Variants in NAALADL2 observed in about 807,000 individuals in gnomAD.
NAALADL2 encodes N-acetylated alpha-linked acidic dipeptidase like 2, also known as inactive N-acetylated-alpha-linked acidic dipeptidase-like protein 2.
Under a neutral mutation model 87.2 loss-of-function variants are expected in NAALADL2, and 76 were observed. The observed-to-expected ratio is 0.87, with a 90% CI of 0.72 to 1.05. The LOEUF is 1.05. Ranked by LOEUF, NAALADL2 falls within the 50% of genes least tolerant of loss-of-function variation. The pLI, the probability that NAALADL2 is intolerant of heterozygous loss-of-function variation, is 0.00. For synonymous variants in NAALADL2, 354 were observed against 331.0 expected, an observed-to-expected ratio of 1.07 and a Z score of -0.75; for missense variants, 1,089 against 945.8, an observed-to-expected ratio of 1.15 and a Z score of -1.99.
chr3:175,255,287 C>T (rs1185494350), intron 3 of NAALADL2, among the ~76,000 whole-genome samples: 1 of 152,126 alleles, frequency 6.6e-6, no homozygotes, highest in African/African-American at 2.4e-5. Context: ...ATTTACAGAT[C>T]TCTTGGAGGT....
chr3:174,844,390 A>G (rs936068131), intron 3 of NAALADL2, among the ~76,000 whole-genome samples: 7 of 152,268 alleles, frequency 4.6e-5, no homozygotes, highest in African/African-American at 1.7e-4. Flanking sequence ...TTAGGTTACT[A>G]TAGCCTTGTG....
At chr3:174,891,333 T>C (rs1730848306) in intron 1 of NAALADL2, among the ~76,000 whole-genome samples, 1 of 151,996 alleles carries the variant, frequency 6.6e-6, no homozygotes, top group African/African-American at 2.4e-5. Flanking sequence ...AGAAACACCT[T>C]ATACGAACCC....
chr3:175,704,919 G>T (rs1739475215), intron 11 of NAALADL2, among the ~76,000 whole-genome samples: 1 of 152,158 alleles, frequency 6.6e-6, no homozygotes. Flanking sequence ...CATTACTGTG[G>T]TAACAAAGAA....
At chr3:175,164,834 T>G (rs2108866950) in intron 2 of NAALADL2, among the ~76,000 whole-genome samples, 1 of 152,272 alleles carries the variant, frequency 6.6e-6, no homozygotes, top group African/African-American at 2.4e-5. Context: ...GTATTCTGAG[T>G]CTCTGCACCA....
chr3:174,927,964 C>A (rs1318341800), intron 1 of NAALADL2, among the ~76,000 whole-genome samples: 1 of 151,982 alleles, frequency 6.6e-6, no homozygotes, highest in Non-Finnish European at 1.5e-5. Flanking sequence ...AGTGAGCACA[C>A]AGGTAGAAAT....
intron 6 of NAALADL2, among the ~76,000 whole-genome samples, chr3:175,448,711 A>G (rs1027065284): frequency 6.6e-6 from 1 of 152,086 alleles, no homozygotes; most frequent in African/African-American, 2.4e-5. Context: ...GTTATATGTT[A>G]TGTTATATAT....
chr3:175,640,465 A>G (rs1729133213), intron 11 of NAALADL2, among the ~76,000 whole-genome samples: 1 of 152,162 alleles, frequency 6.6e-6, no homozygotes, highest in African/African-American at 2.4e-5. Context: ...TAATAATCCT[A>G]TGAAGAAAAT....
At chr3:174,522,796 C>T (rs1258078884) in intron 1 of NAALADL2, among the ~76,000 whole-genome samples, 1 of 151,150 alleles carries the variant, frequency 6.6e-6, no homozygotes, top group African/African-American at 2.4e-5. Context: ...TAGCCGGGTG[C>T]GGTGGCGGGC....
chr3:175,726,389 T>C (rs1742926261), intron 11 of NAALADL2, among the ~76,000 whole-genome samples: 1 of 152,162 alleles, frequency 6.6e-6, no homozygotes. Context: ...TCTTCAGCCC[T>C]GGAAAGCTGC....
At chr3:175,698,483 T>TTTTATATATATATATATA (rs1398396262) in intron 11 of NAALADL2, among the ~76,000 whole-genome samples, 8 of 67,774 alleles carry the variant, frequency 1.2e-4, no homozygotes, top group African/African-American at 7.2e-4. Context: ...GTATATATAT[T>TTTTATATATATATATATA]TATATATATA....
chr3:174,984,642 T>C (rs1213503652), intron 1 of NAALADL2, among the ~76,000 whole-genome samples: 1 of 152,168 alleles, frequency 6.6e-6, no homozygotes, highest in Non-Finnish European at 1.5e-5. Flanking sequence ...CAGATTGATA[T>C]CAATTTTTTT....
At chr3:175,124,981 G>C (rs901132827) in intron 2 of NAALADL2, among the ~76,000 whole-genome samples, 1 of 151,698 alleles carries the variant, frequency 6.6e-6, no homozygotes, top group African/African-American at 2.4e-5. Flanking sequence ...TTCAAACATG[G>C]GTGAAATGAG....
chr3:175,102,180 C>A (rs932639636), intron 2 of NAALADL2, among the ~76,000 whole-genome samples: 23 of 152,104 alleles, frequency 1.5e-4, no homozygotes, highest in African/African-American at 3.9e-4. Context: ...TATACAGGGA[C>A]CTTTAGGTTC....
intron 1 of NAALADL2, among the ~76,000 whole-genome samples, chr3:174,933,877 A>G (rs1379729467): frequency 6.6e-6 from 1 of 152,196 alleles, no homozygotes; most frequent in African/African-American, 2.4e-5. Context: ...GGTACTGGGT[A>G]CTAGCTTTTA....
chr3:175,180,674 A>G (rs67113320), intron 2 of NAALADL2, among the ~76,000 whole-genome samples: 58,174 of 140,608 alleles, frequency 0.41, 12,097 homozygotes, highest in East Asian at 0.55. Flanking sequence ...ATTTCTTCCA[A>G]CCACCATTAA....
intron 9 of NAALADL2, among the ~76,000 whole-genome samples, chr3:175,489,317 T>C (rs924687169): frequency 4.6e-5 from 7 of 152,214 alleles, no homozygotes; most frequent in Non-Finnish European, 7.3e-5. Flanking sequence ...ATTTTATATT[T>C]GGTTGCATGG....
At chr3:174,990,787 TG>T (rs1746626840) in intron 1 of NAALADL2, among the ~76,000 whole-genome samples, 1 of 152,176 alleles carries the variant, frequency 6.6e-6, no homozygotes, top group Non-Finnish European at 1.5e-5. Flanking sequence ...TACTGATGGC[TG>T]GCTCTATTTC....
chr3:174,628,438 C>T (rs1337976666), intron 2 of NAALADL2, among the ~76,000 whole-genome samples: 6 of 141,152 alleles, frequency 4.3e-5, no homozygotes, highest in Admixed American at 7.5e-5. Flanking sequence ...GATGGCGCCA[C>T]TGCACTCCAG....
chr3:175,530,668 G>A (rs1192254913), intron 9 of NAALADL2, among the ~76,000 whole-genome samples: 1 of 152,216 alleles, frequency 6.6e-6, no homozygotes, highest in Non-Finnish European at 1.5e-5. Context: ...CTGGAAGACA[G>A]AAGGTAGGGT....
Sources: allele counts gnomAD v4.1 joint callset (sites outside exome capture counted in the v4.1 genomes callset), GRCh38; gene constraint gnomAD v4.1.1; transcripts MANE v1.5; gene names NCBI Gene and HGNC (gene_info 2026-07-23, HGNC 2026-07-21).